ASTN2: variants seen among roughly 807,000 people sequenced by gnomAD.
The protein encoded by ASTN2 is astrotactin 2.
Under a neutral mutation model 139.8 loss-of-function variants are expected in ASTN2, and 54 were observed. The ratio of observed to expected loss-of-function variants is 0.39; its 90% CI spans 0.31 to 0.48. The LOEUF is 0.48. Ranked by LOEUF, ASTN2 falls within the 20% of genes least tolerant of loss-of-function variation. ASTN2 has a pLI of 0.95. For synonymous variants in ASTN2, 756 were observed against 719.5 expected (o/e 1.05, Z -0.81); for missense variants, 1,565 against 1,725.1 (o/e 0.91, Z 1.64).
intron 5 of ASTN2, among the ~76,000 whole-genome samples, chr9:117,094,306 G>A (rs1828786942): frequency 6.6e-6 from 1 of 151,962 alleles, no homozygotes; most frequent in South Asian, 2.1e-4. Context: ...GGAGTTGCTG[G>A]GTTAAATCAT....
intron 11 of ASTN2, among the ~76,000 whole-genome samples, chr9:116,849,813 CCTT>C (rs1202355394): frequency 6.6e-6 from 1 of 152,168 alleles, no homozygotes; most frequent in Non-Finnish European, 1.5e-5. Flanking sequence ...TCACATCACA[CCTT>C]CTCATTGATC....
intron 10 of ASTN2, among the ~76,000 whole-genome samples, chr9:116,930,645 T>C (rs1283286006): frequency 2.0e-5 from 3 of 152,152 alleles, no homozygotes; most frequent in Non-Finnish European, 4.4e-5. Context: ...TTGGGAACTC[T>C]ATATTTAGTC....
intron 20 of ASTN2, among the ~76,000 whole-genome samples, chr9:116,443,818 A>G (rs1847908202): frequency 6.6e-6 from 1 of 152,152 alleles, no homozygotes; most frequent in East Asian, 1.9e-4. Flanking sequence ...GGTTCCCTAC[A>G]TTAAGTAGAA....
chr9:116,910,108 T>C (rs1834270077), intron 10 of ASTN2, among the ~76,000 whole-genome samples: 1 of 152,178 alleles, frequency 6.6e-6, no homozygotes, highest in African/African-American at 2.4e-5. Context: ...TGAATACAAG[T>C]ACAGTCCAAA....
chr9:117,298,682 A>ATG (rs1158328579), intron 1 of ASTN2, among the ~76,000 whole-genome samples: 1 of 134,418 alleles, frequency 7.4e-6, no homozygotes, highest in East Asian at 2.2e-4. Context: ...ATATATATAT[A>ATG]TATATATATG....
chr9:116,657,355 T>C (rs1003337561), intron 16 of ASTN2, among the ~76,000 whole-genome samples: 21 of 152,230 alleles, frequency 1.4e-4, no homozygotes, highest in African/African-American at 4.1e-4. Context: ...TTTGTTATTG[T>C]TGTTGTTGCT....
intron 2 of ASTN2, among the ~76,000 whole-genome samples, chr9:117,254,280 A>T (rs1430799662): frequency 6.6e-6 from 1 of 152,194 alleles, no homozygotes; most frequent in African/African-American, 2.4e-5. Context: ...TTTATTGAGG[A>T]TTTACTACCT....
At chr9:117,173,790 G>A (rs1830849308) in intron 3 of ASTN2, among the ~76,000 whole-genome samples, 1 of 151,490 alleles carries the variant, frequency 6.6e-6, no homozygotes, top group Non-Finnish European at 1.5e-5. Context: ...AGGCATTTAA[G>A]AAGTTAAAAA....
intron 5 of ASTN2, among the ~76,000 whole-genome samples, chr9:117,060,454 AAG>A (rs1285124202): frequency 1.1e-5 from 1 of 94,316 alleles, no homozygotes; most frequent in African/African-American, 5.5e-5. Context: ...GAAAGAAAGA[AAG>A]AAAGGAAGGA....
intron 17 of ASTN2, among the ~76,000 whole-genome samples, chr9:116,629,590 C>A (rs1047874637): frequency 2.7e-5 from 4 of 148,724 alleles, no homozygotes; most frequent in Non-Finnish European, 4.4e-5. Context: ...CAGATCCCCC[C>A]ATACAGTGAA....
At chr9:116,675,447 T>C (rs1289626567) in intron 16 of ASTN2, among the ~76,000 whole-genome samples, 3 of 152,110 alleles carry the variant, frequency 2.0e-5, no homozygotes, top group East Asian at 1.9e-4. Context: ...TGTAGCCCCA[T>C]TGCGGGGTGT....
intron 20 of ASTN2, among the ~76,000 whole-genome samples, chr9:116,469,011 C>T (rs933243847): frequency 1.3e-5 from 2 of 152,146 alleles, no homozygotes; most frequent in South Asian, 2.1e-4. Flanking sequence ...TTCTAGGCAG[C>T]TTTCACTGGG....
chr9:116,812,115 G>A (rs977075517), intron 12 of ASTN2, among the ~76,000 whole-genome samples: 7 of 152,092 alleles, frequency 4.6e-5, no homozygotes, highest in Admixed American at 3.3e-4. Context: ...GCAAAGCTCA[G>A]TCCCACATTC....
At chr9:116,526,380 G>A (rs987272093) in intron 19 of ASTN2, among the ~76,000 whole-genome samples, 9 of 152,146 alleles carry the variant, frequency 5.9e-5, no homozygotes, top group South Asian at 4.1e-4. Context: ...GGGCGGCCAA[G>A]GTGGGAGGAT....
intron 13 of ASTN2, among the ~76,000 whole-genome samples, chr9:116,797,354 A>G (rs1830727038): frequency 6.6e-6 from 1 of 152,226 alleles, no homozygotes; most frequent in South Asian, 2.1e-4. Flanking sequence ...TGATTCCTGC[A>G]GAAGATGTCA....
intron 6 of ASTN2, among the ~76,000 whole-genome samples, chr9:117,034,453 T>C (rs1261593768): frequency 6.6e-6 from 1 of 152,166 alleles, no homozygotes; most frequent in Non-Finnish European, 1.5e-5. Flanking sequence ...GCAGCTCCAT[T>C]AGTAGGGCAT....
At chr9:116,790,247 C>T (rs567643235) in intron 13 of ASTN2, among the ~76,000 whole-genome samples, 1 of 152,070 alleles carries the variant, frequency 6.6e-6, no homozygotes, top group South Asian at 2.1e-4. Flanking sequence ...TTCTCATCAC[C>T]TCTTTCTCCT....
At chr9:117,253,447 T>A (rs1416125673) in intron 2 of ASTN2, among the ~76,000 whole-genome samples, 1 of 152,124 alleles carries the variant, frequency 6.6e-6, no homozygotes, top group African/African-American at 2.4e-5. Flanking sequence ...TTCCTCCTAC[T>A]GGAAAGCTTC....
intron 6 of ASTN2, among the ~76,000 whole-genome samples, chr9:117,012,792 C>T (rs956873950): frequency 6.6e-6 from 1 of 152,172 alleles, no homozygotes; most frequent in Non-Finnish European, 1.5e-5. Flanking sequence ...CCATAACTGG[C>T]CTGCACTACT....
Sources: gnomAD v4.1 joint callset for allele counts (sites outside exome capture counted in the v4.1 genomes callset) on GRCh38, gnomAD v4.1.1 for gene constraint, MANE v1.5 for transcripts, NCBI Gene and HGNC (gene_info 2026-07-23, HGNC 2026-07-21) for gene names.